Variants in PITPNM2 observed in about 807,000 individuals in gnomAD.
The protein encoded by PITPNM2 is membrane-associated phosphatidylinositol transfer protein 2.
PITPNM2 carries 35 observed loss-of-function variants against 132.2 expected under a neutral mutation model. The ratio of observed to expected loss-of-function variants is 0.26; its 90% CI spans 0.20 to 0.35. The LOEUF is 0.35. Ranked by LOEUF, PITPNM2 falls within the 10% of genes least tolerant of loss-of-function variation. The probability of loss-of-function intolerance (pLI) is 1.00; values close to 1 mark genes in which losing one functional copy is unlikely to be tolerated. For synonymous variants in PITPNM2, 738 were observed against 799.2 expected, an observed-to-expected ratio of 0.92 and a Z score of 1.29; for missense variants, 1,332 against 1,912.0, an observed-to-expected ratio of 0.70 and a Z score of 5.66.
chr12:123,140,241 T>C (rs2043475394), intron 1 of PITPNM2, among the ~76,000 whole-genome samples: 1 of 152,164 alleles, frequency 6.6e-6, no homozygotes, highest in Non-Finnish European at 1.5e-5. Context: ...ACCACCTGCA[T>C]CACCTCTTAA....
At chr12:123,092,239 G>A (rs974863079) in intron 2 of PITPNM2, 12 of 152,246 alleles carry the variant, frequency 7.9e-5, no homozygotes, top group African/African-American at 2.9e-4. Flanking sequence ...GAGCAGGGCA[G>A]TTAATTTTAA....
At chr12:123,119,064 G>A (rs553015179) in intron 1 of PITPNM2, among the ~76,000 whole-genome samples, 2 of 152,116 alleles carry the variant, frequency 1.3e-5, no homozygotes, top group Non-Finnish European at 1.5e-5. Context: ...GATGTATCTG[G>A]GCTCAGCGTT....
chr12:123,110,650 C>T lies in PITPNM2; in HGVS notation c.-199-162G>A, dbSNP rs919007053. Among the ~76,000 whole-genome samples, 13 of 152,154 alleles carry T rather than the reference C, an allele frequency of 8.5e-5. No individual in the cohort carries two copies. The South Asian group carries it at 1.0e-3, about 12-fold the overall frequency. On this transcript the variant is annotated intron_variant, in intron 1 of 25. Coordinates refer to ENST00000320201, the MANE Select transcript of PITPNM2 (RefSeq NM_020845.3). Reference sequence around the variant, plus strand: ...TTTTACAAAGGGACCCAGCCCAGGACGATTCAGGAAGCAAGTGTCTAACTC... The same window carrying T: ...TTTTACAAAGGGACCCAGCCCAGGATGATTCAGGAAGCAAGTGTCTAACTC...
intron 3 of PITPNM2, among the ~76,000 whole-genome samples, chr12:123,021,021 T>C: frequency 7.8e-6 from 1 of 127,780 alleles, no homozygotes; most frequent in Non-Finnish European, 1.6e-5. Context: ...AAGAGCGAAA[T>C]TCCATCTCAA....
At chr12:123,068,976 G>A (rs866002337) in intron 2 of PITPNM2, among the ~76,000 whole-genome samples, 16 of 152,196 alleles carry the variant, frequency 1.1e-4, no homozygotes, top group East Asian at 1.9e-4. Flanking sequence ...TCCAGGGCCA[G>A]GTACAGTGGC....
At chr12:122,998,921 T>C (rs2038540442) in intron 10 of PITPNM2, among the ~76,000 whole-genome samples, 1 of 152,114 alleles carries the variant, frequency 6.6e-6, no homozygotes, top group Non-Finnish European at 1.5e-5. Flanking sequence ...GAGACCAGCC[T>C]GGCCAACATA....
At position 123,058,577 on chromosome 12, in the gene PITPNM2, T is replaced by G. The variant is rs1419084729; in HGVS notation, c.-95-23892A>C. On this transcript the variant is annotated intron_variant, in intron 2 of 25. Transcript: ENST00000320201. This position sits in a 1 kb window ranked among gnomAD's most constrained non-coding sequence, Gnocchi z 4.0. ...CCACCATTCACCTGCTGTTCCCTGCTGTCATTCTTGTTGTTCCCTGTTTGC... is the reference window on the plus strand; with the variant it reads ...CCACCATTCACCTGCTGTTCCCTGCGGTCATTCTTGTTGTTCCCTGTTTGC... 1.3e-5 allele frequency among the ~76,000 whole-genome samples: 2 copies of G among 152,196 alleles called. No homozygotes were observed. The highest frequency in any genetic ancestry group is 2.9e-5 in the Non-Finnish European group (2 of 68,036).
At position 123,014,056 on chromosome 12, in the gene PITPNM2, A is replaced by G; in HGVS notation, c.79-14T>C. The G allele has an allele frequency of 6.2e-7, 1 of 1,613,928 alleles. No individual in the cohort carries two copies. Among genetic ancestry groups the G allele is most frequent in the Non-Finnish European group, 8.5e-7 (1 of 1,179,858 alleles). ...ACGGCTCTTCTTCTGTGGGGACAAA[A>G]GCACCTGCAATGTGTGTGGGGCCAG... On this transcript the variant is annotated splice_polypyrimidine_tract_variant and intron_variant, in intron 3 of 25. Transcript: ENST00000320201.
intron 2 of PITPNM2, chr12:123,084,689 C>T (rs1334877835): frequency 2.0e-5 from 3 of 152,186 alleles, no homozygotes; most frequent in Non-Finnish European, 4.4e-5. Context: ...GCAATTAAAG[C>T]AGATTTTCTC....
rs1389593652 is a variant in PITPNM2, at chr12:123,033,005, C to T, written c.78+1508G>A. Among the ~76,000 whole-genome samples, 5 of 152,334 alleles carry T rather than the reference C, an allele frequency of 3.3e-5. No homozygotes were observed. In the East Asian group the frequency reaches 7.7e-4, roughly 24 times the overall value. ...GCAGCTGGGGCTGCAGGCTCTGCTG[C>T]GAGCTCACAGCTACCTCCCCTGACC... On this transcript the variant is annotated intron_variant, in intron 3 of 25. Coordinates refer to ENST00000320201, the MANE Select transcript of PITPNM2 (RefSeq NM_020845.3).
At position 123,009,225 on chromosome 12, in the gene PITPNM2, A is replaced by G. The variant is rs117992630; in HGVS notation, c.643+625T>C. Among the ~76,000 whole-genome samples, 1,366 of 152,302 alleles carry G rather than the reference A, an allele frequency of 9.0e-3. 11 individuals are homozygous for G. Among genetic ancestry groups the G allele is most frequent in the Non-Finnish European group, 0.015 (987 of 68,014 alleles). On this transcript the variant is annotated intron_variant, in intron 6 of 25. Coordinates refer to ENST00000320201, the MANE Select transcript of PITPNM2 (RefSeq NM_020845.3). The surrounding 1 kb of genome is among the most constrained non-coding windows in gnomAD (Gnocchi z 4.8). The stretch of plus-strand genomic sequence containing the variant: ...GACCGGAACCAGCTCTTGGAATGAC[A>G]TCATGCTATGACCTCGGCAGAGGGG...
chr12:123,123,455 A>C (rs917311441), intron 1 of PITPNM2, among the ~76,000 whole-genome samples: 2 of 152,022 alleles, frequency 1.3e-5, no homozygotes, highest in Non-Finnish European at 2.9e-5. Flanking sequence ...CTACAAAAAT[A>C]AAAAAATTAG....
Position 123,009,827 on chromosome 12 carries a change from C to G in PITPNM2, c.643+23G>C, listed in dbSNP as rs750571756. On this transcript the variant is annotated intron_variant, in intron 6 of 25. Coordinates refer to ENST00000320201, the MANE Select transcript of PITPNM2 (RefSeq NM_020845.3). This position sits in a 1 kb window ranked among gnomAD's most constrained non-coding sequence, Gnocchi z 4.8. ...AGGGGTTGGGTAGCCCAGCCACTGC[C>G]CACCTGGCATGGGTGTGCTCACCGG... The G allele has an allele frequency of 6.2e-7, 1 of 1,608,574 alleles. No individual in the cohort carries two copies. The highest frequency in any genetic ancestry group is 8.5e-7 in the Non-Finnish European group (1 of 1,175,074).
rs1175320116 is a variant in PITPNM2, at chr12:122,992,942, C to A, written c.2234-273G>T. ...CTGGGCTCAAGTGATCCTACCCCCTCAGCCTCCTGAGTAGCTGGGACCACA... is the reference window on the plus strand; with the variant it reads ...CTGGGCTCAAGTGATCCTACCCCCTAAGCCTCCTGAGTAGCTGGGACCACA... On this transcript the variant is annotated intron_variant, in intron 15 of 25. Coordinates refer to ENST00000320201, the MANE Select transcript of PITPNM2 (RefSeq NM_020845.3). The surrounding 1 kb of genome is among the most constrained non-coding windows in gnomAD (Gnocchi z 6.5). 2.0e-5 allele frequency among the ~76,000 whole-genome samples: 3 copies of A among 152,126 alleles called. No individual in the cohort carries two copies. The East Asian group carries it at 5.8e-4, about 29-fold the overall frequency.
intron 2 of PITPNM2, among the ~76,000 whole-genome samples, chr12:123,042,101 C>G (rs1007171809): frequency 2.6e-5 from 4 of 151,976 alleles, no homozygotes; most frequent in Non-Finnish European, 4.4e-5. Flanking sequence ...GGCAGACGAC[C>G]AAGAAGAGCT....
intron 2 of PITPNM2, among the ~76,000 whole-genome samples, chr12:123,104,180 G>A (rs2042634745): frequency 6.6e-6 from 1 of 152,176 alleles, no homozygotes; most frequent in Non-Finnish European, 1.5e-5. Flanking sequence ...ATCTGCCCGT[G>A]TTGGCCTCCC....
rs2038391890 is a variant in PITPNM2 at position 122,995,580 on chromosome 12, ACCACCGCCACCGCCG to A, written c.1848_1862del (p.Gly618_Gly622del). 2 of 1,580,306 alleles carry A rather than the reference ACCACCGCCACCGCCG, an allele frequency of 1.3e-6. No homozygotes were observed. Among genetic ancestry groups the A allele is most frequent in the Admixed American group, 1.7e-5 (1 of 58,766 alleles). The stretch of plus-strand genomic sequence containing the variant: ...TACTGCCACCACCACCACTGCTGCC[ACCACCGCCACCGCCG>A]CCACCGCCACCACCGCAGCAGTGTG... On this transcript the variant is annotated inframe_deletion, in exon 14 of 26. Coordinates refer to ENST00000320201, the MANE Select transcript of PITPNM2 (RefSeq NM_020845.3).
chr12:123,032,113 G>A (rs1482343614), intron 3 of PITPNM2, among the ~76,000 whole-genome samples: 1 of 152,244 alleles, frequency 6.6e-6, no homozygotes, highest in East Asian at 1.9e-4. Context: ...AGGAAGGTCT[G>A]AGCGTCTAAC....
chr12:123,008,989 C>T lies in PITPNM2; in HGVS notation c.643+861G>A, dbSNP rs916245367. ...GGACAAGGGTGGCTGGGATGGGAGG[C>T]AGATCTAGTTCAGCCCCAGTGTTGG... is the stretch of plus-strand genomic sequence containing the variant. On this transcript the variant is annotated intron_variant, in intron 6 of 25. Coordinates refer to ENST00000320201, the MANE Select transcript of PITPNM2 (RefSeq NM_020845.3). This position sits in a 1 kb window ranked among gnomAD's most constrained non-coding sequence, Gnocchi z 4.1. Among the ~76,000 whole-genome samples the T allele has an allele frequency of 6.6e-6, 1 of 152,190 alleles. No homozygotes were observed. Among genetic ancestry groups the T allele is most frequent in the African/African-American group, 2.4e-5 (1 of 41,432 alleles).
Sources: allele counts gnomAD v4.1 joint callset (sites outside exome capture counted in the v4.1 genomes callset), GRCh38; gene constraint gnomAD v4.1.1; non-coding constraint Gnocchi (gnomAD v3.1); transcripts MANE v1.5; gene names NCBI Gene and HGNC (gene_info 2026-07-23, HGNC 2026-07-21).